The following RASAL2 variants were observed in gnomAD, a reference collection of about 807,000 sequenced individuals.
The protein encoded by RASAL2 is RAS protein activator like 2.
In RASAL2, 58 loss-of-function variants were observed where a neutral mutation model predicts 128.9. The observed-to-expected ratio is 0.45, with a 90% confidence interval of 0.36 to 0.56. The LOEUF is 0.56. Among genes scored for constraint, RASAL2 ranks in the 20% least tolerant of loss-of-function variants. The pLI, the probability that RASAL2 is intolerant of heterozygous loss-of-function variation, is 0.00. For missense variants in RASAL2, 1,360 were observed against 1,601.6 expected, an observed-to-expected ratio of 0.85 and a Z score of 2.57; for synonymous variants, 561 against 580.8, an observed-to-expected ratio of 0.97 and a Z score of 0.49.
chr1:178,179,929 A>G (rs1020047351), intron 1 of RASAL2, among the ~76,000 whole-genome samples: 5 of 152,204 alleles, frequency 3.3e-5, no homozygotes, highest in Admixed American at 6.5e-5. Flanking sequence ...AAAGCCAACT[A>G]TGCCATTGTA....
intron 12 of RASAL2, among the ~76,000 whole-genome samples, chr1:178,456,167 TG>T (rs761018894): frequency 3.2e-4 from 48 of 152,224 alleles, no homozygotes; most frequent in Non-Finnish European, 6.3e-4. Context: ...CAAGATTGAC[TG>T]GGATAGTGGA....
intron 1 of RASAL2, among the ~76,000 whole-genome samples, chr1:178,105,551 C>T (rs928345044): frequency 1.3e-5 from 2 of 152,140 alleles, no homozygotes; most frequent in Non-Finnish European, 2.9e-5. Context: ...ATGCAAATAT[C>T]TTGCTCCATA....
intron 4 of RASAL2, among the ~76,000 whole-genome samples, chr1:178,417,527 C>T (rs574485462): frequency 1.9e-3 from 289 of 151,962 alleles, no homozygotes; most frequent in Non-Finnish European, 2.6e-3. Context: ...TTTGGGAGGC[C>T]GAGGTGGGCG....
Position 178,373,274 on chromosome 1 carries a change from C to CTTTTTTTT in RASAL2, c.458-16818_458-16811dup, listed in dbSNP as rs60835442. The stretch of plus-strand genomic sequence containing the variant: ...TCAATCTTAGCATTCTGTTTCTTTC[C>CTTTTTTTT]TTTTTTTTTTTTTTTGCAGTTTAGA... On this transcript the variant is annotated intron_variant, in intron 3 of 17. Transcript: ENST00000367649. 1.6e-3 allele frequency among the ~76,000 whole-genome samples: 99 copies of CTTTTTTTT among 60,050 alleles called. 9 individuals carry two copies. Among genetic ancestry groups the CTTTTTTTT allele is most frequent in the African/African-American group, 6.4e-3 (86 of 13,464 alleles). The allele number at this position is 60,050 out of a possible 152,430, so 39.4% of individuals were successfully genotyped here. A position where few individuals can be genotyped will look rare whatever the true frequency, so the allele number is the denominator to read the frequency against.
At chr1:178,163,234 G>A (rs1661397316) in intron 1 of RASAL2, among the ~76,000 whole-genome samples, 2 of 152,134 alleles carry the variant, frequency 1.3e-5, no homozygotes, top group South Asian at 4.1e-4. Flanking sequence ...CCAAAATGCT[G>A]GGATTACAGG....
intron 1 of RASAL2, among the ~76,000 whole-genome samples, chr1:178,113,128 G>C (rs1389585209): frequency 1.3e-5 from 2 of 152,076 alleles, no homozygotes; most frequent in African/African-American, 2.4e-5. Flanking sequence ...GAGCACTCAG[G>C]TGCCTTTGTA....
At chr1:178,244,739 C>T (rs927115774) in intron 1 of RASAL2, among the ~76,000 whole-genome samples, 1 of 152,128 alleles carries the variant, frequency 6.6e-6, no homozygotes, top group African/African-American at 2.4e-5. Flanking sequence ...CCCTCATCCC[C>T]CAACAGGCCC....
At chr1:178,172,592 C>G (rs907360496) in intron 1 of RASAL2, among the ~76,000 whole-genome samples, 1 of 151,770 alleles carries the variant, frequency 6.6e-6, no homozygotes, top group African/African-American at 2.4e-5. Flanking sequence ...ATCACCTGAA[C>G]ATAAGTCAAA....
At chr1:178,465,672 G>T (rs191586656) in intron 15 of RASAL2, among the ~76,000 whole-genome samples, 4 of 151,992 alleles carry the variant, frequency 2.6e-5, no homozygotes, top group Non-Finnish European at 5.9e-5. Flanking sequence ...GATTTAAAAT[G>T]TAATTTTAGT....
chr1:178,152,762 A>G (rs1290168289), intron 1 of RASAL2, among the ~76,000 whole-genome samples: 4 of 152,224 alleles, frequency 2.6e-5, no homozygotes, highest in African/African-American at 4.8e-5. Context: ...AGTCCCATGT[A>G]ACCATTACTC....
chr1:178,428,017 T>C (rs904877291), intron 5 of RASAL2, among the ~76,000 whole-genome samples: 4 of 151,946 alleles, frequency 2.6e-5, no homozygotes, highest in African/African-American at 9.7e-5. Flanking sequence ...CACAGAATCA[T>C]ATAGTATATA....
intron 4 of RASAL2, among the ~76,000 whole-genome samples, chr1:178,397,244 T>C (rs868257993): frequency 1.3e-5 from 2 of 152,220 alleles, no homozygotes; most frequent in Non-Finnish European, 2.9e-5. Flanking sequence ...AACTGAAGAA[T>C]AGATATGCAA....
intron 1 of RASAL2, among the ~76,000 whole-genome samples, chr1:178,142,381 A>T (rs1660565450): frequency 6.6e-6 from 1 of 151,990 alleles, no homozygotes; most frequent in Admixed American, 6.6e-5. Context: ...CCTCTTGGGG[A>T]CAGGTTCCCT....
At chr1:178,318,446 C>T (rs1379854279) in intron 3 of RASAL2, among the ~76,000 whole-genome samples, 1 of 152,058 alleles carries the variant, frequency 6.6e-6, no homozygotes, top group Non-Finnish European at 1.5e-5. Context: ...TTGTAAGTCA[C>T]TCAGGACTTG....
intron 1 of RASAL2, among the ~76,000 whole-genome samples, chr1:178,166,320 A>G (rs1661513178): frequency 6.6e-6 from 1 of 152,172 alleles, no homozygotes; most frequent in Non-Finnish European, 1.5e-5. Flanking sequence ...CTATGAAATG[A>G]TAGATATCCT....
chr1:178,173,781 G>A (rs1417777426), intron 1 of RASAL2, among the ~76,000 whole-genome samples: 1 of 151,892 alleles, frequency 6.6e-6, no homozygotes, highest in East Asian at 1.9e-4. Flanking sequence ...TGAAACTGTG[G>A]CATTAAAGTG....
chr1:178,226,318 G>T (rs1280323382), intron 1 of RASAL2, among the ~76,000 whole-genome samples: 1 of 152,016 alleles, frequency 6.6e-6, no homozygotes, highest in African/African-American at 2.4e-5. Flanking sequence ...TCATGAGTTT[G>T]GTCCTTTGCT....
rs1172268928 is a variant in RASAL2, at chr1:178,454,437, T to C, written c.2010-10T>C. 18 of 1,587,492 alleles carry C rather than the reference T, an allele frequency of 1.1e-5. No individual in the cohort carries two copies. Among genetic ancestry groups the C allele is most frequent in the Non-Finnish European group, 1.6e-5 (18 of 1,156,262 alleles). On this transcript the variant is annotated splice_polypyrimidine_tract_variant and intron_variant, in intron 11 of 17. Transcript: ENST00000367649. ...TATGTTCTTTCTCATTTTCTCATCCTCTACTTCAGGTTTGGTAACAAAGAG... is the reference window on the plus strand; with the variant it reads ...TATGTTCTTTCTCATTTTCTCATCCCCTACTTCAGGTTTGGTAACAAAGAG...
chr1:178,243,879 G>C (rs1423246443), intron 1 of RASAL2, among the ~76,000 whole-genome samples: 1 of 152,124 alleles, frequency 6.6e-6, no homozygotes, highest in East Asian at 1.9e-4. Flanking sequence ...ACACCATCTT[G>C]TCTGGCCCAA....
Sources: allele counts gnomAD v4.1 joint callset (sites outside exome capture counted in the v4.1 genomes callset), GRCh38; gene constraint gnomAD v4.1.1; transcripts MANE v1.5; gene names NCBI Gene and HGNC (gene_info 2026-07-23, HGNC 2026-07-21).